The following CDC14B variants were observed in gnomAD, a reference collection of about 807,000 sequenced individuals.
CDC14B encodes cell division cycle 14B, also known as dual specificity protein phosphatase CDC14B.
Under a neutral mutation model 64.2 loss-of-function variants are expected in CDC14B, and 22 were observed. The ratio of observed to expected loss-of-function variants is 0.34; its 90% CI spans 0.24 to 0.49. The LOEUF (loss-of-function observed/expected upper bound fraction) is 0.49, where lower values mean the gene tolerates loss of function less well. Among genes scored for constraint, CDC14B ranks in the 20% least tolerant of loss-of-function variants. CDC14B has a pLI of 0.99. For missense variants in CDC14B, 498 were observed against 629.9 expected, an observed-to-expected ratio of 0.79 and a Z score of 2.24; for synonymous variants, 191 against 215.8, an observed-to-expected ratio of 0.89 and a Z score of 1.01.
chr9:96,513,233 G>A (rs779958493), intron 12 of CDC14B, among the ~76,000 whole-genome samples: 2 of 152,086 alleles, frequency 1.3e-5, no homozygotes, highest in East Asian at 3.8e-4. Flanking sequence ...ACCACACCAC[G>A]GAAGACTCCA....
At chr9:96,618,567 C>G (rs200723556) in intron 1 of CDC14B, 1 of 533,454 alleles carries the variant, frequency 1.9e-6, no homozygotes, top group South Asian at 1.4e-5. Context: ...TCGAATGCCA[C>G]CAACGTGACA....
At chr9:96,584,265 G>C (rs1429205997) in intron 1 of CDC14B, among the ~76,000 whole-genome samples, 7 of 152,128 alleles carry the variant, frequency 4.6e-5, no homozygotes, top group African/African-American at 7.2e-5. Context: ...CAGTGTTGTG[G>C]GGAAGCAGCT....
At chr9:96,560,816 G>A (rs1843067628) in intron 4 of CDC14B, among the ~76,000 whole-genome samples, 3 of 150,800 alleles carry the variant, frequency 2.0e-5, no homozygotes. Context: ...AAGAGAGGCT[G>A]GGAGAAAGGA....
intron 1 of CDC14B, among the ~76,000 whole-genome samples, chr9:96,613,179 G>T (rs1373865233): frequency 6.6e-6 from 1 of 152,142 alleles, no homozygotes; most frequent in Non-Finnish European, 1.5e-5. Flanking sequence ...GAATGTGGAG[G>T]GTTTTGATCT....
At chr9:96,565,279 T>A in intron 2 of CDC14B, 114 bp downstream of exon 2, 2 of 628,664 alleles carry the variant, frequency 3.2e-6, no homozygotes, top group Non-Finnish European at 2.8e-6. Context: ...AAAACAAGCA[T>A]CCTGTAATTA....
chr9:96,601,222 G>A (rs950222755), intron 1 of CDC14B, among the ~76,000 whole-genome samples: 1 of 152,166 alleles, frequency 6.6e-6, no homozygotes, highest in Admixed American at 6.6e-5. Flanking sequence ...TGTGGGGCCA[G>A]GTGTGGTGGC....
At chr9:96,495,302 G>C (rs934917700), downstream of CDC14B, among the ~76,000 whole-genome samples, 1 of 145,228 alleles carries the variant, frequency 6.9e-6, no homozygotes, top group Non-Finnish European at 1.5e-5. Context: ...CACTGAGGCA[G>C]GGTAAGACAT....
At chr9:96,546,419 A>T (rs1840841514) in intron 5 of CDC14B, among the ~76,000 whole-genome samples, 2 of 149,774 alleles carry the variant, frequency 1.3e-5, no homozygotes, top group African/African-American at 5.1e-5. Flanking sequence ...GTGGGAGGGA[A>T]ATCTAGGAGA....
intron 5 of CDC14B, among the ~76,000 whole-genome samples, chr9:96,545,972 GC>G (rs1296183781): frequency 1.3e-5 from 2 of 152,176 alleles, no homozygotes; most frequent in African/African-American, 4.8e-5. Flanking sequence ...CAGTTTATAA[GC>G]CTTGGGCAGT....
intron 1 of CDC14B, among the ~76,000 whole-genome samples, chr9:96,575,119 G>C (rs1564365095): frequency 6.6e-6 from 1 of 152,200 alleles, no homozygotes; most frequent in African/African-American, 2.4e-5. Flanking sequence ...ATGTCCTCCG[G>C]AGATAAGAGG....
At chr9:96,581,675 C>T (rs544047625) in intron 1 of CDC14B, among the ~76,000 whole-genome samples, 73 of 152,020 alleles carry the variant, frequency 4.8e-4, no homozygotes, top group Non-Finnish European at 9.4e-4. Flanking sequence ...TGGGTTTGAA[C>T]GTGTTGGTGT....
chr9:96,570,249 A>G (rs1040519040), intron 1 of CDC14B, among the ~76,000 whole-genome samples: 1 of 152,250 alleles, frequency 6.6e-6, no homozygotes, highest in African/African-American at 2.4e-5. Context: ...GATAACAGCT[A>G]TAGGTATTTG....
chr9:96,507,641 C>G (rs1834345905), intron 13 of CDC14B, among the ~76,000 whole-genome samples: 1 of 152,028 alleles, frequency 6.6e-6, no homozygotes, highest in Non-Finnish European at 1.5e-5. Context: ...GTCTTGAACT[C>G]CTGACCTCAT....
chr9:96,524,467 T>A (rs1837266734), intron 9 of CDC14B, among the ~76,000 whole-genome samples: 1 of 152,212 alleles, frequency 6.6e-6, no homozygotes, highest in Non-Finnish European at 1.5e-5. Context: ...TCCAATTATG[T>A]TTTCTGGTCT....
At chr9:96,543,181 G>A (rs3991219) in intron 5 of CDC14B, among the ~76,000 whole-genome samples, 7,889 of 151,590 alleles carry the variant, frequency 0.052, 684 homozygotes, top group African/African-American at 0.18. Context: ...CTAAAAATAC[G>A]AAAAATGAGC....
chr9:96,554,220 T>TA (rs1439177177), intron 4 of CDC14B, among the ~76,000 whole-genome samples: 1 of 151,638 alleles, frequency 6.6e-6, no homozygotes, highest in Non-Finnish European at 1.5e-5. Context: ...CAAAACCAAA[T>TA]AAAAAAACAC....
intron 1 of CDC14B, among the ~76,000 whole-genome samples, chr9:96,618,305 C>T (rs1322136103): frequency 6.6e-6 from 1 of 152,230 alleles, no homozygotes; most frequent in Non-Finnish European, 1.5e-5. Flanking sequence ...AACAGACTGC[C>T]AATTCCCTCA....
intron 12 of CDC14B, among the ~76,000 whole-genome samples, chr9:96,520,811 A>ACCCCCCCCCCCC (rs1836583911): frequency 1.1e-5 from 1 of 89,262 alleles, no homozygotes; most frequent in Non-Finnish European, 2.3e-5. Context: ...CTTGGGCCCC[A>ACCCCCCCCCCCC]CCCCCACCCC....
At position 96,566,427 on chromosome 9, in the gene CDC14B, C is replaced by T. The variant is rs965217821; in HGVS notation, c.161-944G>A. Among the ~76,000 whole-genome samples the T allele has an allele frequency of 5.9e-5, 9 of 151,682 alleles. No individual in the cohort carries two copies. The South Asian group carries it at 8.3e-4, about 14-fold the overall frequency. ...TGCGTTTATTTCCTTGTAAACTCCTCAGCTAAAACTTCTTGCAACCACAAA... is the reference window on the plus strand; with the variant it reads ...TGCGTTTATTTCCTTGTAAACTCCTTAGCTAAAACTTCTTGCAACCACAAA... On this transcript the variant is annotated intron_variant, in intron 1 of 13. Transcript: ENST00000375241.
Sources: allele counts gnomAD v4.1 joint callset (sites outside exome capture counted in the v4.1 genomes callset), GRCh38; gene constraint gnomAD v4.1.1; transcripts MANE v1.5; gene names NCBI Gene and HGNC (gene_info 2026-07-23, HGNC 2026-07-21).